Variants in ST6GALNAC3 observed in about 807,000 individuals in gnomAD.
ST6GALNAC3 encodes the protein alpha-N-acetylgalactosaminide alpha-2,6-sialyltransferase 3.
Under a neutral mutation model 32.7 loss-of-function variants are expected in ST6GALNAC3, and 25 were observed. That is an observed-to-expected ratio of 0.76 (90% CI 0.56 to 1.07). ST6GALNAC3 has a LOEUF of 1.07. Among genes scored for constraint, ST6GALNAC3 ranks in the 50% least tolerant of loss-of-function variants. The probability of loss-of-function intolerance (pLI) is 0.00; values close to 1 mark genes in which losing one functional copy is unlikely to be tolerated. For synonymous variants in ST6GALNAC3, 129 were observed against 133.1 expected (o/e 0.97, Z 0.21); for missense variants, 355 against 382.4 (o/e 0.93, Z 0.60).
chr1:76,325,992 T>A (rs575267575), intron 2 of ST6GALNAC3, among the ~76,000 whole-genome samples: 1 of 152,204 alleles, frequency 6.6e-6, no homozygotes, highest in African/African-American at 2.4e-5. Context: ...ATGGGAAATC[T>A]TGGGTGTGTC....
chr1:76,118,070 T>C (rs916228496), intron 1 of ST6GALNAC3, among the ~76,000 whole-genome samples: 1 of 152,182 alleles, frequency 6.6e-6, no homozygotes, highest in Admixed American at 6.5e-5. Context: ...TTGTTGCACC[T>C]GTCAGCCCAT....
chr1:76,362,404 C>G (rs1417238275), intron 2 of ST6GALNAC3, among the ~76,000 whole-genome samples: 1 of 152,168 alleles, frequency 6.6e-6, no homozygotes, highest in African/African-American at 2.4e-5. Context: ...CATTCCACCC[C>G]TGGCCTCCCA....
chr1:76,606,957 C>T (rs570087582), intron 3 of ST6GALNAC3, among the ~76,000 whole-genome samples: 2 of 150,838 alleles, frequency 1.3e-5, no homozygotes, highest in African/African-American at 4.9e-5. Flanking sequence ...TTAGCATAGA[C>T]CACACAGGTA....
At chr1:76,516,967 T>C (rs1662209101) in intron 3 of ST6GALNAC3, among the ~76,000 whole-genome samples, 1 of 151,990 alleles carries the variant, frequency 6.6e-6, no homozygotes, top group South Asian at 2.1e-4. Context: ...AATCTTTCAG[T>C]CTTATAAAAA....
intron 3 of ST6GALNAC3, among the ~76,000 whole-genome samples, chr1:76,603,955 A>C (rs1448323625): frequency 6.6e-6 from 1 of 152,236 alleles, no homozygotes. Context: ...GGGAATGAAA[A>C]GCCAAGTATA....
intron 1 of ST6GALNAC3, among the ~76,000 whole-genome samples, chr1:76,194,766 CA>C (rs1654098621): frequency 6.6e-6 from 1 of 152,140 alleles, no homozygotes; most frequent in African/African-American, 2.4e-5. Flanking sequence ...TAATTGTGGA[CA>C]TTCTGTTTTG....
At chr1:76,389,012 CTTTT>C (rs371619828) in intron 2 of ST6GALNAC3, among the ~76,000 whole-genome samples, 2 of 127,364 alleles carry the variant, frequency 1.6e-5, no homozygotes, top group African/African-American at 3.0e-5. Context: ...GGTATATTTC[CTTTT>C]TTTTTTTTTT....
chr1:76,281,244 G>A (rs1222075612), intron 1 of ST6GALNAC3, among the ~76,000 whole-genome samples: 1 of 152,024 alleles, frequency 6.6e-6, no homozygotes, highest in Non-Finnish European at 1.5e-5. Context: ...TTTTTCTTGA[G>A]TTTGCAAATT....
intron 1 of ST6GALNAC3, among the ~76,000 whole-genome samples, chr1:76,284,894 G>A (rs541178512): frequency 1.7e-4 from 26 of 152,164 alleles, no homozygotes; most frequent in Admixed American, 5.9e-4. Flanking sequence ...AGATACCAAG[G>A]CATCCAGAGA....
chr1:76,585,647 C>T (rs1302624106), intron 3 of ST6GALNAC3, among the ~76,000 whole-genome samples: 1 of 152,088 alleles, frequency 6.6e-6, no homozygotes, highest in Non-Finnish European at 1.5e-5. Context: ...AAAACAGTAT[C>T]TTCATGTGGC....
At chr1:76,123,358 G>A (rs371040942) in intron 1 of ST6GALNAC3, among the ~76,000 whole-genome samples, 12 of 144,020 alleles carry the variant, frequency 8.3e-5, no homozygotes, top group Middle Eastern at 4.0e-3. Flanking sequence ...CAGCCTGGGT[G>A]ACAGAGCGAG....
intron 3 of ST6GALNAC3, among the ~76,000 whole-genome samples, chr1:76,417,989 T>A (rs767318614): frequency 6.6e-6 from 1 of 152,186 alleles, no homozygotes; most frequent in African/African-American, 2.4e-5. Context: ...AATGGGACAC[T>A]GATTTGTGAA....
chr1:76,531,972 G>A (rs1663286896), intron 3 of ST6GALNAC3, among the ~76,000 whole-genome samples: 2 of 152,172 alleles, frequency 1.3e-5, no homozygotes, highest in African/African-American at 4.8e-5. Flanking sequence ...GCCAAACACA[G>A]CTGCACAGTA....
At chr1:76,264,074 A>T (rs1658396848) in intron 1 of ST6GALNAC3, among the ~76,000 whole-genome samples, 1 of 152,174 alleles carries the variant, frequency 6.6e-6, no homozygotes, top group African/African-American at 2.4e-5. Context: ...ATACAGAAAC[A>T]ATTGTCTACT....
chr1:76,418,608 AT>A lies in ST6GALNAC3; in HGVS notation c.623+6200del, dbSNP rs540767580. On this transcript the variant is annotated intron_variant, in intron 3 of 4. Transcript: ENST00000328299. ...GACAGTATTAAAAACAGTATTTTCCATTTTTTTTTCATTTTGAAGATGGTCT... is the reference window on the plus strand; with the variant it reads ...GACAGTATTAAAAACAGTATTTTCCATTTTTTTTCATTTTGAAGATGGTCT... Among the ~76,000 whole-genome samples the A allele has an allele frequency of 4.8e-3, 730 of 150,722 alleles. 6 individuals are homozygous for A. The highest frequency in any genetic ancestry group is 6.9e-3 in the Middle Eastern group (2 of 290).
chr1:76,388,542 A>G (rs188855310), intron 2 of ST6GALNAC3, among the ~76,000 whole-genome samples: 279 of 152,326 alleles, frequency 1.8e-3, no homozygotes, highest in African/African-American at 6.2e-3. Flanking sequence ...TGTTGCAGCC[A>G]GAGGTATAGT....
chr1:76,448,111 A>T (rs1199649607), intron 3 of ST6GALNAC3, among the ~76,000 whole-genome samples: 1 of 152,130 alleles, frequency 6.6e-6, no homozygotes, highest in Non-Finnish European at 1.5e-5. Flanking sequence ...CACAGGGTGG[A>T]GCTACCCAAG....
chr1:76,378,668 CA>C (rs60471587), intron 2 of ST6GALNAC3, among the ~76,000 whole-genome samples: 11,347 of 148,010 alleles, frequency 0.077, 468 homozygotes, highest in Middle Eastern at 0.12. Flanking sequence ...TTCCCCCCCC[CA>C]AAAAAAAAAA....
intron 3 of ST6GALNAC3, among the ~76,000 whole-genome samples, chr1:76,562,569 C>T (rs900809077): frequency 6.6e-6 from 1 of 152,184 alleles, no homozygotes; most frequent in African/African-American, 2.4e-5. Flanking sequence ...TATTTGAAAA[C>T]ACCCAGAGCC....
Sources: allele counts gnomAD v4.1 joint callset (sites outside exome capture counted in the v4.1 genomes callset), GRCh38; gene constraint gnomAD v4.1.1; transcripts MANE v1.5; gene names NCBI Gene and HGNC (gene_info 2026-07-23, HGNC 2026-07-21).